Variants in INTS8 observed in about 807,000 individuals in gnomAD.
INTS8 encodes the protein protein kaonashi-1.
INTS8 carries 47 observed loss-of-function variants against 138.9 expected under a neutral mutation model. The observed-to-expected ratio is 0.34, with a 90% CI of 0.27 to 0.43. The LOEUF (loss-of-function observed/expected upper bound fraction) is 0.43, where lower values mean the gene tolerates loss of function less well. Among genes scored for constraint, INTS8 ranks in the 20% least tolerant of loss-of-function variants. INTS8 has a pLI of 1.00. For synonymous variants in INTS8, 392 were observed against 400.9 expected, an observed-to-expected ratio of 0.98 and a Z score of 0.27; for missense variants, 996 against 1,173.0, an observed-to-expected ratio of 0.85 and a Z score of 2.20.
chr8:94,852,123 A>G (rs1460040599), intron 13 of INTS8, among the ~76,000 whole-genome samples: 1 of 151,972 alleles, frequency 6.6e-6, no homozygotes, highest in East Asian at 1.9e-4. Flanking sequence ...ATGTATTTTT[A>G]GTAGAGATGG....
At chr8:94,863,598 G>C (rs560785857) in intron 16 of INTS8, among the ~76,000 whole-genome samples, 159 of 152,332 alleles carry the variant, frequency 1.0e-3, no homozygotes, top group African/African-American at 3.7e-3. Flanking sequence ...CTTCAGGGCA[G>C]TTAATTTTTA....
At chr8:94,839,179 GC>G (rs138578872) in intron 8 of INTS8, among the ~76,000 whole-genome samples, 5,163 of 152,246 alleles carry the variant, frequency 0.034, 93 homozygotes, top group Non-Finnish European at 0.04. Context: ...TAGAAACAGA[GC>G]CCACCTGCTC....
In INTS8 at chr8:94,880,265, A is replaced by AAAC. The variant is rs761333461; in HGVS notation, c.*34_*36dup. 11 of 1,153,076 alleles carry AAAC rather than the reference A, an allele frequency of 9.5e-6. No individual in the cohort carries two copies. In the East Asian group the frequency reaches 2.7e-4, roughly 29 times the overall value. The allele number at this position is 1,153,076 out of a possible 1,614,324, so 71.4% of individuals were successfully genotyped here. ...TAAATTTTTTTAACTTTTATTTTTT[A>AAAC]AACAATGGGCTAAAAATAAACAGTA... On this transcript the variant is annotated 3_prime_UTR_variant, in exon 27 of 27. Coordinates refer to ENST00000523731, the MANE Select transcript of INTS8 (RefSeq NM_017864.4).
At position 94,863,350 on chromosome 8, in the gene INTS8, C is replaced by T. The variant is rs1816063573; in HGVS notation, c.2077-2156C>T. 3.9e-5 allele frequency among the ~76,000 whole-genome samples: 6 copies of T among 152,230 alleles called. No homozygotes were observed. The South Asian group carries it at 1.2e-3, about 31-fold the overall frequency. On this transcript the variant is annotated intron_variant, in intron 16 of 26. Transcript: ENST00000523731. Reference sequence around the variant, plus strand: ...CATGTTTCCATTCTGCACCTGTGCACACGCTGTTTGTCACATTAGCCAGGA... The same window carrying T: ...CATGTTTCCATTCTGCACCTGTGCATACGCTGTTTGTCACATTAGCCAGGA...
intron 13 of INTS8, 82 bp downstream of exon 13, chr8:94,851,768 T>A: frequency 8.4e-7 from 1 of 1,194,242 alleles, no homozygotes; most frequent in Non-Finnish European, 1.2e-6. Context: ...CCCTGACCTT[T>A]TTGATAATAA....
At chr8:94,872,946 C>T (rs183110500) in intron 21 of INTS8, among the ~76,000 whole-genome samples, 210 of 152,234 alleles carry the variant, frequency 1.4e-3, no homozygotes, top group African/African-American at 4.9e-3. Flanking sequence ...CAGTAATTAG[C>T]TCATGGCCAG....
chr8:94,865,160 C>T (rs1816130545), intron 16 of INTS8, among the ~76,000 whole-genome samples: 2 of 151,958 alleles, frequency 1.3e-5, no homozygotes, highest in Admixed American at 1.3e-4. Context: ...TTTTTTTTCC[C>T]TATGTAACGT....
chr8:94,824,829 G>C (rs1466212419), intron 1 of INTS8, 64 bp from the exon 2 acceptor site: 5 of 506,836 alleles, frequency 9.9e-6, no homozygotes, highest in Non-Finnish European at 1.4e-5. Flanking sequence ...AACCAATAGT[G>C]AATCCTTTTG....
At chr8:94,846,005 G>C (rs1563652208) in intron 10 of INTS8, among the ~76,000 whole-genome samples, 1 of 152,102 alleles carries the variant, frequency 6.6e-6, no homozygotes, top group East Asian at 1.9e-4. Flanking sequence ...GATGGCTCTT[G>C]ATTTCTTTAG....
At chr8:94,874,696 T>A in intron 23 of INTS8, 94 bp downstream of exon 23, 1 of 729,848 alleles carries the variant, frequency 1.4e-6, no homozygotes, top group Non-Finnish European at 2.3e-6. Flanking sequence ...GCTTTTATTT[T>A]CCATATCAAA....
intron 1 of INTS8, among the ~76,000 whole-genome samples, chr8:94,824,088 C>T (rs1385470002): frequency 6.6e-6 from 1 of 152,216 alleles, no homozygotes; most frequent in Admixed American, 6.5e-5. Context: ...GTAGGAACTG[C>T]TGCACATTTG....
intron 7 of INTS8, 119 bp downstream of exon 7, chr8:94,836,750 A>G (rs1814940394): frequency 1.6e-6 from 1 of 614,790 alleles, no homozygotes; most frequent in Non-Finnish European, 2.8e-6. Flanking sequence ...GTGATGTTCA[A>G]GAAAGTACTA....
Position 94,823,356 on chromosome 8 carries a change from C to T in INTS8, c.-76C>T. The T allele has an allele frequency of 6.6e-7, 1 of 1,505,018 alleles. No homozygotes were observed. The highest frequency in any genetic ancestry group is 2.5e-5 in the East Asian group (1 of 40,586). 93.2% of individuals were successfully genotyped at this position (1,505,018 alleles called of 1,614,324 possible). A position where few individuals can be genotyped will look rare whatever the true frequency, so the allele number is the denominator to read the frequency against. On this transcript the variant is annotated 5_prime_UTR_variant, in exon 1 of 27. Transcript: ENST00000523731. ...CTCTCTCCCACCGGGTTCCGCATACCCCAGGCACCGGCCCGCATCCAAGTG... is the reference window on the plus strand; with the variant it reads ...CTCTCTCCCACCGGGTTCCGCATACTCCAGGCACCGGCCCGCATCCAAGTG...
At chr8:94,866,221 C>A in intron 18 of INTS8, 30 bp downstream of exon 18, 1 of 1,140,480 alleles carries the variant, frequency 8.8e-7, no homozygotes, top group Non-Finnish European at 1.3e-6. Context: ...GCTCTAATTA[C>A]TATTGCTGGT....
rs1190366469 is a variant in INTS8, at chr8:94,860,591, A to C, written c.2076+959A>C. Among the ~76,000 whole-genome samples, 230 of 150,536 alleles carry C rather than the reference A, an allele frequency of 1.5e-3. 2 individuals are homozygous for C. Among genetic ancestry groups the C allele is most frequent in the African/African-American group, 5.3e-3 (216 of 41,132 alleles). On this transcript the variant is annotated intron_variant, in intron 16 of 26. Coordinates refer to ENST00000523731, the MANE Select transcript of INTS8 (RefSeq NM_017864.4). ...CGAAACTCTACCTCAAAAAAAAAAA[A>C]AAAAAAAAAAAAACCCAAAAAACAA...
intron 10 of INTS8, among the ~76,000 whole-genome samples, 188 bp from the exon 11 acceptor site, chr8:94,849,274 C>G (rs543010336): frequency 5.3e-4 from 80 of 152,286 alleles, no homozygotes; most frequent in African/African-American, 1.8e-3. Context: ...TGGTCACATT[C>G]CATTCCCTCT....
chr8:94,837,953 G>A (rs764413231), intron 7 of INTS8, among the ~76,000 whole-genome samples: 1 of 151,930 alleles, frequency 6.6e-6, no homozygotes, highest in African/African-American at 2.4e-5. Context: ...CCATAGGCTG[G>A]ATCTGGCCTA....
In INTS8 at chr8:94,873,494, G is replaced by A. The variant is rs1363925149; in HGVS notation, c.2637+17G>A. 2 of 1,546,544 alleles carry A rather than the reference G, an allele frequency of 1.3e-6. No homozygotes were observed. Among genetic ancestry groups the A allele is most frequent in the East Asian group, 2.2e-5 (1 of 44,554 alleles). ...ACAGACCAGGTGAATTGTTTTCGTGGGCTGGCTGGTTTCTTGCCTACCTGT... is the reference window on the plus strand; with the variant it reads ...ACAGACCAGGTGAATTGTTTTCGTGAGCTGGCTGGTTTCTTGCCTACCTGT... On this transcript the variant is annotated intron_variant, in intron 22 of 26. Coordinates refer to ENST00000523731, the MANE Select transcript of INTS8 (RefSeq NM_017864.4).
chr8:94,843,566 CAA>C (rs555280111), intron 10 of INTS8, among the ~76,000 whole-genome samples: 1 of 140,636 alleles, frequency 7.1e-6, no homozygotes. Flanking sequence ...GACTCCATCT[CAA>C]AAAAAAAAAA....
Sources: allele counts gnomAD v4.1 joint callset (sites outside exome capture counted in the v4.1 genomes callset), GRCh38; gene constraint gnomAD v4.1.1; transcripts MANE v1.5; gene names NCBI Gene and HGNC (gene_info 2026-07-23, HGNC 2026-07-21).